The following VDAC2 variants were observed in gnomAD, a reference collection of about 807,000 sequenced individuals.
VDAC2 encodes non-selective voltage-gated ion channel VDAC2.
Under a neutral mutation model 36.6 loss-of-function variants are expected in VDAC2, and 6 were observed. That is an observed-to-expected ratio of 0.16 (90% CI 0.09 to 0.32). The LOEUF (loss-of-function observed/expected upper bound fraction) is 0.32, where lower values mean the gene tolerates loss of function less well. Ranked by LOEUF, VDAC2 falls within the 10% of genes least tolerant of loss-of-function variation. The pLI is 1.00. For missense variants in VDAC2, 247 were observed against 346.0 expected (o/e 0.71, Z 2.27); for synonymous variants, 109 against 123.8 (o/e 0.88, Z 0.79).
intron 8 of VDAC2, among the ~76,000 whole-genome samples, chr10:75,226,257 C>G (rs1412831615): frequency 6.7e-6 from 1 of 149,888 alleles, no homozygotes; most frequent in African/African-American, 2.5e-5. Flanking sequence ...CTGTTTGAAA[C>G]CAGGGGGTGG....
At chr10:75,211,348 G>GCTGGGCTGCTGGATTTCAAAGGGT (rs1371886119) in intron 2 of VDAC2, 159 bp downstream of exon 2, 1 of 1,380,568 alleles carries the variant, frequency 7.2e-7, no homozygotes, top group Admixed American at 2.7e-5. Context: ...CGGAGGAGGG[G>GCTGGGCTGCTGGATTTCAAAGGGT]CTGGGCTGCT....
intron 4 of VDAC2, chr10:75,217,937 C>A: frequency 7.8e-7 from 1 of 1,288,856 alleles, no homozygotes; most frequent in Non-Finnish European, 1.0e-6. Context: ...CATCAGCTGT[C>A]TTCCTTAGGC....
At position 75,221,045 on chromosome 10, in the gene VDAC2, C is replaced by G. The variant is rs1013683899; in HGVS notation, c.584+75C>G. On this transcript the variant is annotated intron_variant, in intron 7 of 9. Coordinates refer to ENST00000332211, the MANE Select transcript of VDAC2 (RefSeq NM_001391963.1). ...TTTTGATGTCTGTCATCTTATTGAT[C>G]TGGGTGCACCCTAAAGGATTTCTCA... 41 of 1,396,910 alleles carry G rather than the reference C, an allele frequency of 2.9e-5. No homozygotes were observed. The Middle Eastern group carries it at 5.6e-4, about 19-fold the overall frequency. 86.5% of individuals were successfully genotyped at this position (1,396,910 alleles called of 1,614,324 possible). A position where few individuals can be genotyped will look rare whatever the true frequency, so the allele number is the denominator to read the frequency against.
At chr10:75,211,613 T>A (rs776337740) in intron 2 of VDAC2, 34 of 1,550,498 alleles carry the variant, frequency 2.2e-5, no homozygotes, top group Non-Finnish European at 2.9e-5. Flanking sequence ...TCAGATTGCC[T>A]GCCCTTAAGC....
chr10:75,229,763 T>A (rs748629952), intron 9 of VDAC2, 62 bp downstream of exon 9: 736 of 1,387,158 alleles, frequency 5.3e-4, no homozygotes, highest in Non-Finnish European at 5.2e-4. Flanking sequence ...TTTTCATTCT[T>A]CAGCTTACTT....
chr10:75,221,619 T>C (rs1841816702), intron 7 of VDAC2, among the ~76,000 whole-genome samples: 1 of 152,094 alleles, frequency 6.6e-6, no homozygotes, highest in African/African-American at 2.4e-5. Flanking sequence ...GCCCGGCTAT[T>C]GTTGTTTTTT....
At chr10:75,221,924 TG>T (rs1337593921) in intron 7 of VDAC2, among the ~76,000 whole-genome samples, 2 of 152,262 alleles carry the variant, frequency 1.3e-5, no homozygotes, top group African/African-American at 4.8e-5. Context: ...ATATAATCTT[TG>T]TTAATGTTGT....
intron 8 of VDAC2, among the ~76,000 whole-genome samples, chr10:75,222,719 G>A (rs567963834): frequency 6.6e-6 from 1 of 152,000 alleles, no homozygotes; most frequent in South Asian, 2.1e-4. Context: ...AGAAATAATA[G>A]TGCTTTTTTA....
At chr10:75,217,682 C>T (rs1841649022) in intron 4 of VDAC2, among the ~76,000 whole-genome samples, 2 of 152,074 alleles carry the variant, frequency 1.3e-5, no homozygotes, top group African/African-American at 4.8e-5. Context: ...CCAGCCAGTC[C>T]AGTGCTTTTT....
intron 1 of VDAC2, 64 bp from the exon 2 acceptor site, chr10:75,211,070 T>C (rs916009733): frequency 1.4e-6 from 2 of 1,465,992 alleles, no homozygotes; most frequent in African/African-American, 1.4e-5. Context: ...CTCGCCCCTC[T>C]CTGCCCGGGA....
chr10:75,222,765 CA>C (rs1841852190), intron 8 of VDAC2, among the ~76,000 whole-genome samples: 1 of 152,122 alleles, frequency 6.6e-6, no homozygotes, highest in African/African-American at 2.4e-5. Context: ...TGCAGTGGCA[CA>C]ATCACGACTC....
At chr10:75,216,167 T>G (rs1437321627) in intron 4 of VDAC2, among the ~76,000 whole-genome samples, 1 of 152,268 alleles carries the variant, frequency 6.6e-6, no homozygotes, top group Admixed American at 6.5e-5. Flanking sequence ...TTTAGTGTTT[T>G]TTAATGTTCC....
intron 4 of VDAC2, chr10:75,218,120 C>G: frequency 2.8e-6 from 1 of 363,414 alleles, no homozygotes; most frequent in South Asian, 2.1e-5. Context: ...ATAAGCCCTC[C>G]GTATTTTTTC....
chr10:75,213,607 G>A (rs1212307161), intron 3 of VDAC2, among the ~76,000 whole-genome samples: 1 of 152,098 alleles, frequency 6.6e-6, no homozygotes, highest in African/African-American at 2.4e-5. Context: ...AGCCAGGCGT[G>A]GTGGCACGCA....
intron 8 of VDAC2, among the ~76,000 whole-genome samples, chr10:75,225,157 G>A (rs1241487534): frequency 6.6e-6 from 1 of 152,172 alleles, no homozygotes; most frequent in African/African-American, 2.4e-5. Flanking sequence ...ACTGGCCTGA[G>A]GAGGAACTGG....
chr10:75,213,826 G>A (rs1331981486), intron 3 of VDAC2, among the ~76,000 whole-genome samples, 195 bp from the exon 4 acceptor site: 1 of 152,146 alleles, frequency 6.6e-6, no homozygotes, highest in Non-Finnish European at 1.5e-5. Context: ...GCAGCATAGG[G>A]ATAATTCTGC....
At position 75,220,846 on chromosome 10, in the gene VDAC2, G is replaced by C. The variant is rs775201116; in HGVS notation, c.460G>C (p.Val154Leu). The C allele has an allele frequency of 1.2e-6, 2 of 1,613,712 alleles. No homozygotes were observed. Among genetic ancestry groups the C allele is most frequent in the Non-Finnish European group, 1.7e-6 (2 of 1,179,636 alleles). The change falls in exon 7 of 10, where the codon GTC becomes CTC. Residue 154 changes from valine (V) to leucine (L), a missense_variant. Physicochemically the swap from Val to Leu is conservative, Grantham distance 32 (BLOSUM62 1). This residue lies in a region of VDAC2 where 159 missense variants were observed against 234.0 expected (regional missense o/e 0.68). Transcript: ENST00000332211. ...TGGACCTGCAATCCATGGTTCAGCTGTCTTTGGTTATGAGGGCTGGCTTGC... is the reference window on the plus strand; with the variant it reads ...TGGACCTGCAATCCATGGTTCAGCTCTCTTTGGTTATGAGGGCTGGCTTGC... Reference protein sequence around the residue: ...FAGPAIHGSAVFGYEGWLAGY... With the variant: ...FAGPAIHGSALFGYEGWLAGY...
intron 4 of VDAC2, among the ~76,000 whole-genome samples, chr10:75,218,444 T>C (rs1045165793): frequency 6.6e-6 from 1 of 152,060 alleles, no homozygotes; most frequent in Non-Finnish European, 1.5e-5. Context: ...CCAAATAAAA[T>C]CACCTTAGCA....
intron 8 of VDAC2, among the ~76,000 whole-genome samples, chr10:75,228,804 A>C (rs1474089620): frequency 6.6e-6 from 1 of 152,254 alleles, no homozygotes; most frequent in African/African-American, 2.4e-5. Context: ...GCAAAGTTGC[A>C]TGTCTAGGCA....
Sources: gnomAD v4.1 joint callset for allele counts (sites outside exome capture counted in the v4.1 genomes callset) on GRCh38, gnomAD v4.1.1 for gene constraint, gnomAD v4.1.1 regional missense constraint, MANE v1.5 for transcripts, NCBI Gene and HGNC (gene_info 2026-07-23, HGNC 2026-07-21) for gene names.